Variants in CNTNAP2 observed in about 807,000 individuals in gnomAD.
CNTNAP2 encodes contactin-associated protein-like 2.
CNTNAP2 carries 98 observed loss-of-function variants against 155.2 expected under a neutral mutation model. The observed-to-expected ratio is 0.63, with a 90% CI of 0.54 to 0.75. The LOEUF is 0.75. CNTNAP2 is among the 30% of genes least tolerant of loss of function. The pLI, the probability that CNTNAP2 is intolerant of heterozygous loss-of-function variation, is 0.00. For missense variants in CNTNAP2, 1,727 were observed against 1,688.1 expected (o/e 1.02, Z -0.40); for synonymous variants, 651 against 631.2 (o/e 1.03, Z -0.47).
chr7:148,286,333 T>C (rs982213388), intron 21 of CNTNAP2, among the ~76,000 whole-genome samples: 26 of 152,328 alleles, frequency 1.7e-4, no homozygotes, highest in African/African-American at 6.3e-4. Flanking sequence ...ATCCTAGTGC[T>C]CTCATCGGCT....
chr7:148,244,618 A>G (rs1231660468), intron 20 of CNTNAP2, among the ~76,000 whole-genome samples: 3 of 148,768 alleles, frequency 2.0e-5, no homozygotes, highest in South Asian at 2.1e-4. Flanking sequence ...GCTGGAGTGT[A>G]GTGGCATGAT....
intron 1 of CNTNAP2, among the ~76,000 whole-genome samples, chr7:146,766,896 T>G (rs1401956061): frequency 6.6e-6 from 1 of 151,688 alleles, no homozygotes; most frequent in Non-Finnish European, 1.5e-5. Flanking sequence ...GAAAATGAAA[T>G]AAAAGAGTAA....
intron 9 of CNTNAP2, among the ~76,000 whole-genome samples, chr7:147,324,446 A>G (rs956843034): frequency 6.6e-6 from 1 of 152,206 alleles, no homozygotes; most frequent in African/African-American, 2.4e-5. Context: ...CACATCAGAT[A>G]TGTAATCCAT....
chr7:147,214,647 CTT>C (rs1803227851), intron 8 of CNTNAP2, among the ~76,000 whole-genome samples: 1 of 152,006 alleles, frequency 6.6e-6, no homozygotes, highest in Non-Finnish European at 1.5e-5. Context: ...ACCTGTTTCT[CTT>C]TGCAATATTT....
intron 1 of CNTNAP2, among the ~76,000 whole-genome samples, chr7:146,726,516 A>C (rs1429743934): frequency 1.3e-5 from 2 of 152,088 alleles, no homozygotes; most frequent in East Asian, 3.9e-4. Context: ...CAATTACGTA[A>C]ATTTTCTTGT....
intron 12 of CNTNAP2, among the ~76,000 whole-genome samples, chr7:147,631,246 T>C (rs543128374): frequency 6.6e-6 from 1 of 151,870 alleles, no homozygotes; most frequent in African/African-American, 2.4e-5. Flanking sequence ...GTAATAATAA[T>C]AATAAAATAC....
Position 147,913,097 on chromosome 7 carries a change from C to A in CNTNAP2, c.2255+9376C>A, listed in dbSNP as rs539473224. On this transcript the variant is annotated intron_variant, in intron 14 of 23. Transcript: ENST00000361727. Reference sequence around the variant, plus strand: ...GAAGAGAAGGTAAAGTCAGCAAGCTCCTCCTTCTATGATTTCATGGGAGAA... The same window carrying A: ...GAAGAGAAGGTAAAGTCAGCAAGCTACTCCTTCTATGATTTCATGGGAGAA... Among the ~76,000 whole-genome samples, 16 of 152,284 alleles carry A rather than the reference C, an allele frequency of 1.1e-4. No individual in the cohort carries two copies. In the South Asian group the frequency reaches 3.3e-3, roughly 32 times the overall value.
intron 3 of CNTNAP2, among the ~76,000 whole-genome samples, chr7:147,036,349 A>T (rs943831688): frequency 4.6e-5 from 7 of 152,222 alleles, no homozygotes; most frequent in African/African-American, 1.4e-4. Context: ...ATTTTCAGTT[A>T]TTAAAACTTC....
Position 147,132,260 on chromosome 7 carries a change from T to C in CNTNAP2, c.1099T>C (p.Ser367Pro), listed in dbSNP as rs564865065. 1.2e-6 allele frequency: 2 copies of C among 1,613,698 alleles called. No homozygotes were observed. Among genetic ancestry groups the C allele is most frequent in the South Asian group, 2.2e-5 (2 of 91,078 alleles). Residue 367 changes from serine (S) to proline (P), a missense_variant, in exon 8 of 24, where the codon TCT (serine) becomes CCT (proline). Physicochemically the swap from Ser to Pro is moderately conservative, Grantham distance 74 (BLOSUM62 -1). Coordinates refer to ENST00000361727, the MANE Select transcript of CNTNAP2 (RefSeq NM_014141.6). ...EPSNVGNLSF[S>P]CVEPYTVPVF... ...TATTTTACAGGGAAATTTGAGCTTT[T>C]CTTGTGTGGAACCCTATACGGTGCC...
At chr7:147,256,043 T>C (rs1016330895) in intron 8 of CNTNAP2, among the ~76,000 whole-genome samples, 3 of 152,164 alleles carry the variant, frequency 2.0e-5, no homozygotes, top group African/African-American at 7.2e-5. Flanking sequence ...AGCTAGCCCA[T>C]ATTTTAGTAA....
At chr7:147,431,768 TG>T (rs1797470603) in intron 10 of CNTNAP2, among the ~76,000 whole-genome samples, 1 of 152,244 alleles carries the variant, frequency 6.6e-6, no homozygotes, top group South Asian at 2.1e-4. Context: ...ATCCCACTCT[TG>T]TTTTTCTCTA....
At chr7:148,088,328 C>T (rs1256627883) in intron 15 of CNTNAP2, among the ~76,000 whole-genome samples, 1 of 151,328 alleles carries the variant, frequency 6.6e-6, no homozygotes, top group Non-Finnish European at 1.5e-5. Context: ...AAGATTAGAG[C>T]AGCAATCAAT....
chr7:147,401,769 A>T (rs940004031), intron 10 of CNTNAP2, among the ~76,000 whole-genome samples: 1 of 151,452 alleles, frequency 6.6e-6, no homozygotes, highest in Non-Finnish European at 1.5e-5. Context: ...CCCTTCACTC[A>T]CTCTCTCTCC....
intron 15 of CNTNAP2, among the ~76,000 whole-genome samples, chr7:148,100,323 A>G (rs1804070269): frequency 1.3e-5 from 2 of 152,156 alleles, no homozygotes; most frequent in Admixed American, 1.3e-4. Flanking sequence ...TTCCATTACC[A>G]TCCACAAAGG....
In CNTNAP2 at chr7:146,839,844, G is replaced by T. The variant is rs748217915; in HGVS notation, c.342G>T (p.Arg114=). Residue 114 remains arginine, a synonymous_variant, in exon 3 of 24, where the codon CGG becomes CGT. Transcript: ENST00000361727. ...YSSSDWVTQY[R]MLYSDTGRNW... Reference sequence around the variant, plus strand: ...GCTCAGATTGGGTGACCCAATACCGGATGCTCTACAGCGACACAGGGAGAA... The same window carrying T: ...GCTCAGATTGGGTGACCCAATACCGTATGCTCTACAGCGACACAGGGAGAA... 5 of 1,614,030 alleles carry T rather than the reference G, an allele frequency of 3.1e-6. No individual in the cohort carries two copies. The highest frequency in any genetic ancestry group is 1.7e-5 in the Admixed American group (1 of 59,994).
chr7:146,631,356 A>T (rs1799508216), intron 1 of CNTNAP2, among the ~76,000 whole-genome samples: 1 of 152,186 alleles, frequency 6.6e-6, no homozygotes, highest in African/African-American at 2.4e-5. Flanking sequence ...ATTCAAAAAT[A>T]AATTCTGCCA....
chr7:146,122,002 A>G (rs1797570344), intron 1 of CNTNAP2, among the ~76,000 whole-genome samples: 1 of 152,166 alleles, frequency 6.6e-6, no homozygotes, highest in Non-Finnish European at 1.5e-5. Context: ...GCAGATAAGG[A>G]TGTTGGAATG....
Position 148,118,109 on chromosome 7 carries a change from T to G in CNTNAP2, c.2384-9T>G. ...GAGTTAACCTGATTTTTTTGTTTTCTTCCCACAGGGAATTATTGGAATGCC... is the reference window on the plus strand; with the variant it reads ...GAGTTAACCTGATTTTTTTGTTTTCGTCCCACAGGGAATTATTGGAATGCC... On this transcript the variant is annotated splice_polypyrimidine_tract_variant and intron_variant, in intron 15 of 23. Coordinates refer to ENST00000361727, the MANE Select transcript of CNTNAP2 (RefSeq NM_014141.6). The G allele has an allele frequency of 3.1e-6, 5 of 1,614,032 alleles. No homozygotes were observed. The highest frequency in any genetic ancestry group is 3.4e-6 in the Non-Finnish European group (4 of 1,180,012).
At chr7:146,612,578 A>T (rs561593847) in intron 1 of CNTNAP2, among the ~76,000 whole-genome samples, 3 of 152,084 alleles carry the variant, frequency 2.0e-5, no homozygotes, top group African/African-American at 7.3e-5. Context: ...TGAGCAAAAG[A>T]TGTAGAACTC....
Sources: allele counts gnomAD v4.1 joint callset (sites outside exome capture counted in the v4.1 genomes callset), GRCh38; gene constraint gnomAD v4.1.1; transcripts MANE v1.5; gene names NCBI Gene and HGNC (gene_info 2026-07-23, HGNC 2026-07-21).